Variants in VPS50 observed in about 807,000 individuals in gnomAD.
The protein encoded by VPS50 is syndetin.
A neutral mutation model predicts 139.7 loss-of-function variants in VPS50; 70 were observed. The observed-to-expected ratio is 0.50, with a 90% confidence interval of 0.41 to 0.61. VPS50 has a LOEUF of 0.61. VPS50 is among the 20% of genes least tolerant of loss of function. The probability of loss-of-function intolerance (pLI) is 0.00; values close to 1 mark genes in which losing one functional copy is unlikely to be tolerated. For synonymous variants in VPS50, 365 were observed against 376.7 expected (o/e 0.97, Z 0.36); for missense variants, 921 against 1,133.7 (o/e 0.81, Z 2.69).
chr7:93,336,892 T>C (rs2117051691), intron 22 of VPS50, among the ~76,000 whole-genome samples: 1 of 152,334 alleles, frequency 6.6e-6, no homozygotes, highest in Non-Finnish European at 1.5e-5. Flanking sequence ...ATTCTCTTTG[T>C]AGTAGTACAT....
intron 18 of VPS50, 78 bp downstream of exon 18, chr7:93,306,082 C>A: frequency 1.9e-6 from 2 of 1,028,064 alleles, no homozygotes; most frequent in Non-Finnish European, 3.0e-6. Flanking sequence ...CAATTCACTA[C>A]ATTTACGTAT....
intron 1 of VPS50, 148 bp from the exon 2 acceptor site, chr7:93,239,718 A>T: frequency 2.0e-6 from 1 of 510,684 alleles, no homozygotes; most frequent in Non-Finnish European, 3.6e-6. Context: ...GTATTAAATG[A>T]TGATTGCTTT....
chr7:93,348,578 G>A (rs1037603608), intron 23 of VPS50, 133 bp from the exon 24 acceptor site: 5 of 615,680 alleles, frequency 8.1e-6, no homozygotes, highest in African/African-American at 5.5e-5. Flanking sequence ...GTACAGGTTC[G>A]TCCACTAAAG....
chr7:93,264,141 G>A (rs2116859234), intron 9 of VPS50, among the ~76,000 whole-genome samples: 1 of 152,226 alleles, frequency 6.6e-6, no homozygotes, highest in African/African-American at 2.4e-5. Context: ...GCACCCAGTT[G>A]GTTGAAAAAT....
At chr7:93,248,858 A>G (rs1451071605) in intron 2 of VPS50, among the ~76,000 whole-genome samples, 2 of 152,168 alleles carry the variant, frequency 1.3e-5, no homozygotes, top group Non-Finnish European at 2.9e-5. Context: ...GATTCTAATC[A>G]GAAGGGGGTT....
At chr7:93,300,490 G>A (rs1255360857) in intron 16 of VPS50, among the ~76,000 whole-genome samples, 1 of 152,070 alleles carries the variant, frequency 6.6e-6, no homozygotes, top group South Asian at 2.1e-4. Flanking sequence ...ACCTAAAAAG[G>A]ATAATATGCT....
chr7:93,319,006 C>T (rs1188428251), intron 20 of VPS50, among the ~76,000 whole-genome samples: 4 of 152,060 alleles, frequency 2.6e-5, no homozygotes, highest in African/African-American at 7.2e-5. Flanking sequence ...ACACAAGGTA[C>T]GGCCCATTCC....
intron 6 of VPS50, 66 bp downstream of exon 6, chr7:93,257,530 A>G (rs954763339): frequency 9.4e-6 from 8 of 854,668 alleles, no homozygotes; most frequent in Admixed American, 7.3e-5. Flanking sequence ...TATGGAATCT[A>G]TAATTTATAA....
intron 9 of VPS50, among the ~76,000 whole-genome samples, chr7:93,268,105 A>G (rs1442664250): frequency 6.6e-6 from 1 of 152,230 alleles, no homozygotes; most frequent in Non-Finnish European, 1.5e-5. Context: ...ACAGGACTAG[A>G]TAGCACTTGC....
At chr7:93,233,784 G>A (rs1794711955) in intron 1 of VPS50, among the ~76,000 whole-genome samples, 1 of 152,182 alleles carries the variant, frequency 6.6e-6, no homozygotes, top group Non-Finnish European at 1.5e-5. Context: ...GTTACATAAC[G>A]TTTTTAAGCA....
intron 9 of VPS50, among the ~76,000 whole-genome samples, chr7:93,264,703 A>T (rs1339013447): frequency 2.0e-5 from 3 of 152,218 alleles, no homozygotes; most frequent in African/African-American, 7.2e-5. Context: ...AACACAGCTG[A>T]CAAATATAGC....
At position 93,272,630 on chromosome 7, in the gene VPS50, T is replaced by C. The variant is rs1360947039; in HGVS notation, c.703-5T>C. On this transcript the variant is annotated splice_polypyrimidine_tract_variant and splice_region_variant and intron_variant, in intron 10 of 27. Coordinates refer to ENST00000305866, the MANE Select transcript of VPS50 (RefSeq NM_017667.4). ...CATGTCTTGCTTCTTCTTTTAATTA[T>C]ATAGGAACAGCTGGACGTAGCTCTT... The C allele has an allele frequency of 5.9e-6, 8 of 1,346,744 alleles. No individual in the cohort carries two copies. Among genetic ancestry groups the C allele is most frequent in the Non-Finnish European group, 8.3e-6 (8 of 965,106 alleles). The allele number at this position is 1,346,744 out of a possible 1,614,324, so 83.4% of individuals were successfully genotyped here.
chr7:93,271,785 A>T (rs1796017984), intron 10 of VPS50, among the ~76,000 whole-genome samples: 1 of 151,744 alleles, frequency 6.6e-6, no homozygotes, highest in South Asian at 2.1e-4. Flanking sequence ...TCTTTCCTTG[A>T]CAATCTTTGC....
chr7:93,261,433 A>T (rs141447543), intron 9 of VPS50, among the ~76,000 whole-genome samples: 1,861 of 152,000 alleles, frequency 0.012, 33 homozygotes, highest in East Asian at 0.09. Flanking sequence ...ATCCCAGCAC[A>T]TTGGGAGGCC....
intron 20 of VPS50, among the ~76,000 whole-genome samples, chr7:93,314,773 C>A (rs1034044877): frequency 2.6e-5 from 4 of 151,978 alleles, no homozygotes; most frequent in African/African-American, 7.3e-5. Flanking sequence ...TGAGATGCAG[C>A]TTATGTGGTG....
At chr7:93,283,815 A>G (rs941427108) in intron 12 of VPS50, among the ~76,000 whole-genome samples, 1 of 152,190 alleles carries the variant, frequency 6.6e-6, no homozygotes, top group Admixed American at 6.5e-5. Context: ...CAATGCCATG[A>G]GAGTAGGAAA....
chr7:93,240,598 G>C (rs1391014295), intron 2 of VPS50, among the ~76,000 whole-genome samples: 1 of 152,096 alleles, frequency 6.6e-6, no homozygotes, highest in Non-Finnish European at 1.5e-5. Context: ...TTGCTGCTTG[G>C]AGCTGCCCAT....
intron 20 of VPS50, among the ~76,000 whole-genome samples, chr7:93,311,880 T>G (rs1453447119): frequency 6.6e-6 from 1 of 152,126 alleles, no homozygotes; most frequent in African/African-American, 2.4e-5. Context: ...AGCCTTTGTA[T>G]CTCACAAATA....
chr7:93,256,100 A>T (rs1430659111), intron 4 of VPS50, among the ~76,000 whole-genome samples: 3 of 152,248 alleles, frequency 2.0e-5, no homozygotes, highest in Admixed American at 6.5e-5. Flanking sequence ...GATCTAAAGG[A>T]TACAAGCAAG....
Sources: gnomAD v4.1 joint callset for allele counts (sites outside exome capture counted in the v4.1 genomes callset) on GRCh38, gnomAD v4.1.1 for gene constraint, MANE v1.5 for transcripts, NCBI Gene and HGNC (gene_info 2026-07-23, HGNC 2026-07-21) for gene names.